MYH10: variants seen among roughly 807,000 people sequenced by gnomAD.
The protein encoded by MYH10 is myosin heavy chain 10.
A neutral mutation model predicts 257.8 loss-of-function variants in MYH10; 55 were observed. The observed-to-expected ratio is 0.21, with a 90% confidence interval of 0.17 to 0.27. The LOEUF (loss-of-function observed/expected upper bound fraction) is 0.27, where lower values mean the gene tolerates loss of function less well. MYH10 is among the 10% of genes least tolerant of loss of function. The pLI is 1.00. For synonymous variants in MYH10, 854 were observed against 921.7 expected (o/e 0.93, Z 1.33); for missense variants, 1,631 against 2,500.6 (o/e 0.65, Z 7.42).
intron 17 of MYH10, among the ~76,000 whole-genome samples, chr17:8,524,641 T>C (rs2081779929): frequency 1.3e-5 from 2 of 152,024 alleles, no homozygotes; most frequent in African/African-American, 4.8e-5. Context: ...TCCACCCTCC[T>C]CTCCCCTGCC....
At chr17:8,519,415 G>A (rs924581379) in intron 19 of MYH10, among the ~76,000 whole-genome samples, 3 of 152,114 alleles carry the variant, frequency 2.0e-5, no homozygotes, top group Non-Finnish European at 4.4e-5. Context: ...GTGACATGAC[G>A]TTGGTCTGGG....
rs1255956622 is a variant in MYH10 at position 8,504,131 on chromosome 17, C to T, written c.3599+563G>A. Reference sequence around the variant, plus strand: ...TTCTCTGGCCATGTTCACCTATGCTCGTCACTTTTTTCATGCCCGCCCTGG... The same window carrying T: ...TTCTCTGGCCATGTTCACCTATGCTTGTCACTTTTTTCATGCCCGCCCTGG... On this transcript the variant is annotated intron_variant, in intron 28 of 42. Transcript: ENST00000360416. This position sits in a 1 kb window ranked among gnomAD's most constrained non-coding sequence, Gnocchi z 5.6. 2.6e-5 allele frequency among the ~76,000 whole-genome samples: 4 copies of T among 152,236 alleles called. No homozygotes were observed. Among genetic ancestry groups the T allele is most frequent in the Admixed American group, 6.5e-5 (1 of 15,294 alleles).
chr17:8,563,731 T>C (rs1009795945), intron 7 of MYH10, among the ~76,000 whole-genome samples: 5 of 152,070 alleles, frequency 3.3e-5, no homozygotes, highest in Admixed American at 2.0e-4. Flanking sequence ...GATAAATAGA[T>C]ATGAGGGTGC....
rs1385703805 is a variant in MYH10 at position 8,499,432 on chromosome 17, A to T, written c.3789T>A (p.Asp1263Glu). ...LEKNKQGLETDNKELACEVKV... is the reference protein window; with the variant it reads ...LEKNKQGLETENKELACEVKV... Reference sequence around the variant, plus strand: ...TCACCTCACACGCCAGCTCCTTGTTATCTGTCTCCAGGCCCTGCTTGTTCT... The same window carrying T: ...TCACCTCACACGCCAGCTCCTTGTTTTCTGTCTCCAGGCCCTGCTTGTTCT... Residue 1263 changes from aspartate to glutamate, a missense_variant, in exon 30 of 43, where the codon GAT (aspartate) becomes GAA (glutamate). Physicochemically the swap from Asp to Glu is conservative, Grantham distance 45. Transcript: ENST00000360416. 1 of 1,614,118 alleles carries T rather than the reference A, an allele frequency of 6.2e-7. No individual in the cohort carries two copies. Among genetic ancestry groups the T allele is most frequent in the Non-Finnish European group, 8.5e-7 (1 of 1,180,026 alleles).
intron 38 of MYH10, 188 bp from the exon 39 acceptor site, chr17:8,480,713 C>A: frequency 1.4e-6 from 1 of 714,506 alleles, no homozygotes; most frequent in Non-Finnish European, 2.4e-6. Flanking sequence ...CACCCTCCCC[C>A]GCTGCCACCA....
Position 8,552,154 on chromosome 17 carries a change from G to A in MYH10, c.821-10C>T. 6.9e-7 allele frequency: 1 copy of A among 1,448,958 alleles called. No individual in the cohort carries two copies. Among genetic ancestry groups the A allele is most frequent in the Non-Finnish European group, 9.4e-7 (1 of 1,067,794 alleles). 89.8% of individuals were successfully genotyped at this position (1,448,958 alleles called of 1,614,324 possible). ...GACTTTTCCAGAAGGTCTGAGCAAA[G>A]ACAGTTAAGAATTAAATTATTTAAT... On this transcript the variant is annotated splice_polypyrimidine_tract_variant and intron_variant, in intron 8 of 42. Coordinates refer to ENST00000360416, the MANE Select transcript of MYH10 (RefSeq NM_001256012.3). The surrounding 1 kb of genome is among the most constrained non-coding windows in gnomAD (Gnocchi z 4.8).
chr17:8,485,433 A>ATAAAC (rs1914590862), intron 36 of MYH10, among the ~76,000 whole-genome samples: 1 of 151,354 alleles, frequency 6.6e-6, no homozygotes, highest in Admixed American at 6.6e-5. Context: ...CATCAACACA[A>ATAAAC]TAAACTATCA....
In MYH10 at chr17:8,592,933, CTATATATATATATATATATATATA is replaced by C. The variant is rs71159601; in HGVS notation, c.503-3849_503-3826del. Among the ~76,000 whole-genome samples, 115 of 44,746 alleles carry C rather than the reference CTATATATATATATATATATATATA, an allele frequency of 2.6e-3. 10 individuals are homozygous for C. Among genetic ancestry groups the C allele is most frequent in the African/African-American group, 6.3e-3 (101 of 16,066 alleles). 29.4% of individuals were successfully genotyped at this position (44,746 alleles called of 152,430 possible). On this transcript the variant is annotated intron_variant, in intron 3 of 42. Coordinates refer to ENST00000360416, the MANE Select transcript of MYH10 (RefSeq NM_001256012.3). ...CAAAATGTTGGTAAATCAAATCCAG[CTATATATATATATATATATATATA>C]TATATATATATATAAAAGATGATGC...
intron 28 of MYH10, among the ~76,000 whole-genome samples, chr17:8,503,338 C>T (rs376507221): frequency 2.0e-5 from 3 of 150,252 alleles, no homozygotes; most frequent in South Asian, 2.1e-4. Context: ...TAGGAAGCCT[C>T]GAACCATGCC....
chr17:8,480,044 T>A, intron 40 of MYH10, 66 bp downstream of exon 40: 1 of 1,531,536 alleles, frequency 6.5e-7, no homozygotes, highest in South Asian at 1.2e-5. Flanking sequence ...GAAAGGGGCA[T>A]GCCTGTTTTG....
At chr17:8,488,756 G>C (rs1915283494) in intron 35 of MYH10, among the ~76,000 whole-genome samples, 3 of 152,092 alleles carry the variant, frequency 2.0e-5, no homozygotes, top group African/African-American at 7.2e-5. Flanking sequence ...AGGAGGAGCA[G>C]GGCAGCTGCT....
chr17:8,488,003 T>C (rs929085562), intron 35 of MYH10, among the ~76,000 whole-genome samples: 3 of 152,074 alleles, frequency 2.0e-5, no homozygotes, highest in African/African-American at 4.8e-5. Context: ...TTCCTAGAGC[T>C]GTGAGGACAT....
intron 3 of MYH10, among the ~76,000 whole-genome samples, chr17:8,592,197 T>C (rs997444590): frequency 1.3e-5 from 2 of 152,206 alleles, no homozygotes; most frequent in African/African-American, 2.4e-5. Context: ...TCAAATCATT[T>C]TCTAAACATG....
intron 14 of MYH10, 52 bp downstream of exon 14, chr17:8,542,055 G>A: frequency 6.5e-7 from 1 of 1,547,736 alleles, no homozygotes; most frequent in Non-Finnish European, 8.8e-7. Flanking sequence ...TGCCACTTAA[G>A]GTCACTGCTT....
chr17:8,507,460 T>A (rs894420715), intron 26 of MYH10, among the ~76,000 whole-genome samples: 1 of 152,204 alleles, frequency 6.6e-6, no homozygotes, highest in Non-Finnish European at 1.5e-5. Flanking sequence ...AGCTGTAATG[T>A]CCTAGGATTT....
chr17:8,487,444 G>A lies in MYH10; in HGVS notation c.5035C>T (p.Arg1679Cys), dbSNP rs552031621. Residue 1679 changes from arginine (R) to cysteine (C), a missense_variant, in exon 36 of 43, where the codon CGC (arginine) becomes TGC (cysteine). Physicochemically the swap from Arg to Cys is radical, Grantham distance 180. This residue lies in a region of MYH10 where 463 missense variants were observed against 621.8 expected (regional missense o/e 0.74). Coordinates refer to ENST00000360416, the MANE Select transcript of MYH10 (RefSeq NM_001256012.3). ...KARDEVIKQL[R>C]KLQAQMKDYQ... ...GTGAAGGCACATACCTGGAGCTTGC[G>A]GAGCTGCTTAATCACCTCATCCCGA... is the stretch of plus-strand genomic sequence containing the variant. 5.0e-6 allele frequency: 8 copies of A among 1,614,148 alleles called. No homozygotes were observed. Among genetic ancestry groups the A allele is most frequent in the Non-Finnish European group, 5.9e-6 (7 of 1,180,044 alleles).
chr17:8,528,844 A>G lies in MYH10; in HGVS notation c.1957+1779T>C, dbSNP rs534405196. Among the ~76,000 whole-genome samples the G allele has an allele frequency of 3.3e-5, 5 of 152,316 alleles. No homozygotes were observed. In the South Asian group the frequency reaches 1.0e-3, roughly 32 times the overall value. ...AGAGAAAACGATTTTGCTGTAAACT[A>G]TTACACACAATCTCAAAGAACATAT... On this transcript the variant is annotated intron_variant, in intron 17 of 42. Transcript: ENST00000360416.
At chr17:8,572,249 TGTGTGTGTGAGTGA>T (rs1567920171) in intron 6 of MYH10, among the ~76,000 whole-genome samples, 13 of 96,564 alleles carry the variant, frequency 1.3e-4, no homozygotes, top group Non-Finnish European at 3.1e-4. Flanking sequence ...TGTGTGTGTG[TGTGTGTGTGAGTGA>T]GAGAGAGAGA....
At position 8,475,046 on chromosome 17, in the gene MYH10, TG is replaced by T. The variant is rs1165126473; in HGVS notation, c.*757del. On this transcript the variant is annotated 3_prime_UTR_variant, in exon 43 of 43. Coordinates refer to ENST00000360416, the MANE Select transcript of MYH10 (RefSeq NM_001256012.3). ...GAGCCAGGCGGTTCGGGAGACCATC[TG>T]GAAGTCTACATGATCCATGGCTGCC... 1.3e-5 allele frequency: 2 copies of T among 152,570 alleles called. No homozygotes were observed. Among genetic ancestry groups the T allele is most frequent in the African/African-American group, 4.8e-5 (2 of 41,574 alleles). 9.5% of individuals were successfully genotyped at this position (152,570 alleles called of 1,614,324 possible).
Sources: gnomAD v4.1 joint callset for allele counts (sites outside exome capture counted in the v4.1 genomes callset) on GRCh38, gnomAD v4.1.1 for gene constraint, gnomAD v4.1.1 regional missense constraint, Gnocchi (gnomAD v3.1) non-coding constraint, MANE v1.5 for transcripts, NCBI Gene and HGNC (gene_info 2026-07-23, HGNC 2026-07-21) for gene names.